STX5: variants seen among roughly 807,000 people sequenced by gnomAD.
The protein encoded by STX5 is syntaxin 5.
Under a neutral mutation model 42.9 loss-of-function variants are expected in STX5, and 15 were observed. The ratio of observed to expected loss-of-function variants is 0.35; its 90% confidence interval spans 0.23 to 0.54. STX5 has a LOEUF of 0.54. Ranked by LOEUF, STX5 falls within the 20% of genes least tolerant of loss-of-function variation. STX5 has a pLI of 0.91. For synonymous variants in STX5, 184 were observed against 173.2 expected (o/e 1.06, Z -0.49); for missense variants, 430 against 455.0 (o/e 0.95, Z 0.50).
At chr11:62,824,610 AG>A in intron 8 of STX5, 45 bp from the exon 9 acceptor site, 2 of 1,589,338 alleles carry the variant, frequency 1.3e-6, no homozygotes, top group Non-Finnish European at 1.7e-6. Flanking sequence ...AGTTAAAAGC[AG>A]GTTCAAAGCC....
rs1370165751 is a variant in STX5, at chr11:62,807,134, T to C, written c.*335A>G. ...CATCATCTCCCTTTGCTGCCAACGC[T>C]TCCTTTGGGAGAGGCTGGAGAGGGT... On this transcript the variant is annotated 3_prime_UTR_variant, in exon 11 of 11. Coordinates refer to ENST00000294179, the MANE Select transcript of STX5 (RefSeq NM_003164.5). The C allele has an allele frequency of 5.3e-5, 10 of 190,034 alleles. No individual in the cohort carries two copies. The highest frequency in any genetic ancestry group is 1.0e-4 in the Non-Finnish European group (9 of 90,170). The allele number at this position is 190,034 out of a possible 1,614,324, so 11.8% of individuals were successfully genotyped here.
chr11:62,824,283 G>A lies in STX5; in HGVS notation c.791C>T (p.Ser264Phe). ...GGTGTCTGCCCGACTCTGGATGTAG[G>A]AATCCTTCAGGAGAGGGAGAGAGCA... Reference protein sequence around the residue: ...QQLQLIDEQDSYIQSRADTMQ... With the variant: ...QQLQLIDEQDFYIQSRADTMQ... The change falls in exon 10 of 11, where the codon TCC (serine) becomes TTC (phenylalanine). Residue 264 changes from serine (S) to phenylalanine (F), a missense_variant. Transcript: ENST00000294179. 6.2e-7 allele frequency: 1 copy of A among 1,614,192 alleles called. No homozygotes were observed. The highest frequency in any genetic ancestry group is 8.5e-7 in the Non-Finnish European group (1 of 1,180,040).
chr11:62,826,925 C>T (rs2084802858), intron 5 of STX5, among the ~76,000 whole-genome samples: 1 of 151,804 alleles, frequency 6.6e-6, no homozygotes, highest in Non-Finnish European at 1.5e-5. Context: ...AGGGCATGTC[C>T]CTGTAGTCTC....
chr11:62,824,812 T>A (rs1038031985), intron 8 of STX5, among the ~76,000 whole-genome samples: 2 of 152,164 alleles, frequency 1.3e-5, no homozygotes, highest in African/African-American at 2.4e-5. Context: ...AAATTAGAAA[T>A]TATCATTATT....
intron 7 of STX5, 54 bp downstream of exon 7, chr11:62,825,229 C>T (rs1454222783): frequency 1.9e-6 from 3 of 1,612,892 alleles, no homozygotes; most frequent in Admixed American, 3.3e-5. Context: ...TCTTCATTTC[C>T]CTCTTGGATC....
intron 10 of STX5, among the ~76,000 whole-genome samples, chr11:62,810,072 C>G (rs1272968648): frequency 6.9e-6 from 1 of 144,904 alleles, no homozygotes; most frequent in African/African-American, 2.6e-5. Context: ...CCACTGCACT[C>G]CAACCTGGGT....
chr11:62,825,670 T>C, intron 5 of STX5, 131 bp from the exon 6 acceptor site: 1 of 807,896 alleles, frequency 1.2e-6, no homozygotes, highest in Non-Finnish European at 2.1e-6. Context: ...TCTCAGACAG[T>C]CAGACCAGAT....
At chr11:62,830,450 G>T in intron 2 of STX5, 1 of 444,734 alleles carries the variant, frequency 2.2e-6, no homozygotes, top group Non-Finnish European at 4.5e-6. Flanking sequence ...AGGAGGCTGA[G>T]GAAAGAGGAT....
chr11:62,812,502 T>C (rs1033299587), intron 10 of STX5, among the ~76,000 whole-genome samples: 1 of 151,892 alleles, frequency 6.6e-6, no homozygotes, highest in Non-Finnish European at 1.5e-5. Context: ...CACTGCAAGC[T>C]CCGCCTCCTG....
intron 10 of STX5, among the ~76,000 whole-genome samples, chr11:62,812,982 C>T (rs977673972): frequency 1.3e-5 from 2 of 151,064 alleles, no homozygotes; most frequent in South Asian, 2.1e-4. Context: ...CATGGTGGCT[C>T]GTGCCTGTAG....
At chr11:62,815,432 G>A (rs2084662861) in intron 10 of STX5, among the ~76,000 whole-genome samples, 1 of 150,308 alleles carries the variant, frequency 6.7e-6, no homozygotes, top group African/African-American at 2.5e-5. Flanking sequence ...AACTGGGTGT[G>A]GTTTTTATTT....
intron 10 of STX5, among the ~76,000 whole-genome samples, chr11:62,821,498 G>A (rs2084739916): frequency 6.6e-6 from 1 of 151,766 alleles, no homozygotes; most frequent in South Asian, 2.1e-4. Context: ...GCCGAAGTGG[G>A]CGGATTGCCT....
chr11:62,816,927 A>T (rs1162936255), intron 10 of STX5, among the ~76,000 whole-genome samples: 2 of 151,520 alleles, frequency 1.3e-5, no homozygotes. Context: ...CTATTCATCT[A>T]TTCCTACTCT....
chr11:62,825,559 A>T lies in STX5; in HGVS notation c.424-20T>A, dbSNP rs1039440379. 3.1e-6 allele frequency: 5 copies of T among 1,608,540 alleles called. No homozygotes were observed. The highest frequency in any genetic ancestry group is 4.3e-6 in the Non-Finnish European group (5 of 1,176,182). ...GATGTCCTGGTAAAAGAGTCCAAGG[A>T]AAAACAAAGTATTAGCCAAGGAGTC... On this transcript the variant is annotated intron_variant, in intron 5 of 10. Coordinates refer to ENST00000294179, the MANE Select transcript of STX5 (RefSeq NM_003164.5).
intron 10 of STX5, among the ~76,000 whole-genome samples, chr11:62,818,892 C>A (rs2084705870): frequency 6.6e-6 from 1 of 150,768 alleles, no homozygotes; most frequent in African/African-American, 2.4e-5. Flanking sequence ...AACTGTATAT[C>A]CAGAATTCTA....
At chr11:62,823,149 A>G (rs2084757402) in intron 10 of STX5, among the ~76,000 whole-genome samples, 1 of 149,732 alleles carries the variant, frequency 6.7e-6, no homozygotes, top group South Asian at 2.1e-4. Context: ...ATTCCCTACC[A>G]CACAATCTGA....
intron 10 of STX5, among the ~76,000 whole-genome samples, chr11:62,809,188 T>C (rs1480983955): frequency 6.8e-6 from 1 of 147,846 alleles, no homozygotes; most frequent in Non-Finnish European, 1.5e-5. Context: ...TTCGGGAGGC[T>C]GAGGCAGGAG....
intron 10 of STX5, among the ~76,000 whole-genome samples, chr11:62,818,554 ACT>A (rs747316213): frequency 1.8e-4 from 24 of 133,146 alleles, no homozygotes; most frequent in African/African-American, 6.9e-4. Flanking sequence ...AAGAGCAAAA[ACT>A]CTGTCTCAGA....
intron 10 of STX5, among the ~76,000 whole-genome samples, chr11:62,810,399 G>A (rs926059590): frequency 2.0e-5 from 3 of 152,062 alleles, no homozygotes; most frequent in African/African-American, 2.4e-5. Flanking sequence ...CCATTATTGC[G>A]CTACTGCACT....
Sources: gnomAD v4.1 joint callset for allele counts (sites outside exome capture counted in the v4.1 genomes callset) on GRCh38, gnomAD v4.1.1 for gene constraint, MANE v1.5 for transcripts, NCBI Gene and HGNC (gene_info 2026-07-23, HGNC 2026-07-21) for gene names.